Variants in RFTN1 observed in about 807,000 individuals in gnomAD.
RFTN1 encodes raftlin, lipid raft linker 1, also known as raftlin.
A neutral mutation model predicts 46.5 loss-of-function variants in RFTN1; 26 were observed. The ratio of observed to expected loss-of-function variants is 0.56; its 90% CI spans 0.41 to 0.78. The LOEUF (loss-of-function observed/expected upper bound fraction) is 0.78. Among genes scored for constraint, RFTN1 ranks in the 30% least tolerant of loss-of-function variants. RFTN1 has a pLI of 0.00. For missense variants in RFTN1, 693 were observed against 718.7 expected, an observed-to-expected ratio of 0.96 and a Z score of 0.41; for synonymous variants, 261 against 284.2, an observed-to-expected ratio of 0.92 and a Z score of 0.82.
In RFTN1 at chr3:16,509,392, C is replaced by T. The variant is rs1037076471; in HGVS notation, c.-9+4050G>A. The stretch of plus-strand genomic sequence containing the variant: ...CCTTAAGGTCTTAGAAAAATGAAAA[C>T]GTGAACTTAGGGAAAGTTAACCTTG... On this transcript the variant is annotated intron_variant, in intron 1 of 9. Coordinates refer to ENST00000334133, the MANE Select transcript of RFTN1 (RefSeq NM_015150.2). The surrounding 1 kb of genome is among the most constrained non-coding windows in gnomAD (Gnocchi z 4.9). Among the ~76,000 whole-genome samples, 4 of 152,028 alleles carry T rather than the reference C, an allele frequency of 2.6e-5. No individual in the cohort carries two copies. Among genetic ancestry groups the T allele is most frequent in the Non-Finnish European group, 5.9e-5 (4 of 68,008 alleles).
At position 16,440,285 on chromosome 3, in the gene RFTN1, A is replaced by G. The variant is rs1575295398; in HGVS notation, c.146-6248T>C. ...ACTGCCACAATCTTGGCTCACTGAA[A>G]CCTCCGCCTTCTGGACTCAAGTGAT... On this transcript the variant is annotated intron_variant, in intron 2 of 9. Transcript: ENST00000334133. The surrounding 1 kb of genome is among the most constrained non-coding windows in gnomAD (Gnocchi z 4.6). 6.6e-6 allele frequency among the ~76,000 whole-genome samples: 1 copy of G among 151,664 alleles called. No individual in the cohort carries two copies. The highest frequency in any genetic ancestry group is 2.4e-5 in the African/African-American group (1 of 41,240).
chr3:16,335,106 A>T lies in RFTN1; in HGVS notation c.1147-8230T>A, dbSNP rs897768962. On this transcript the variant is annotated intron_variant, in intron 7 of 9. Transcript: ENST00000334133. The surrounding 1 kb of genome is among the most constrained non-coding windows in gnomAD (Gnocchi z 4.7). ...TTCAGACTTCTGACTCAACAAATGT[A>T]AGACAATAAACTTGCGTTGTTTTAA... Among the ~76,000 whole-genome samples the T allele has an allele frequency of 6.6e-6, 1 of 152,266 alleles. No individual in the cohort carries two copies. The highest frequency in any genetic ancestry group is 2.4e-5 in the African/African-American group (1 of 41,476).
intron 5 of RFTN1, 51 bp downstream of exon 5, chr3:16,377,667 C>A: frequency 6.5e-7 from 1 of 1,526,722 alleles, no homozygotes. Context: ...TAATGAAAAG[C>A]TGTTAGCTGC....
At position 16,448,982 on chromosome 3, in the gene RFTN1, A is replaced by G. The variant is rs1035047923; in HGVS notation, c.146-14945T>C. Among the ~76,000 whole-genome samples the G allele has an allele frequency of 2.0e-5, 3 of 152,176 alleles. No individual in the cohort carries two copies. Among genetic ancestry groups the G allele is most frequent in the Non-Finnish European group, 4.4e-5 (3 of 68,032 alleles). ...CTGAATTTTCCAGATGATTTATGTT[A>G]TGCTCCAGAAAGGCAACATCTCCCT... On this transcript the variant is annotated intron_variant, in intron 2 of 9. Coordinates refer to ENST00000334133, the MANE Select transcript of RFTN1 (RefSeq NM_015150.2). This position sits in a 1 kb window ranked among gnomAD's most constrained non-coding sequence, Gnocchi z 4.1.
intron 2 of RFTN1, chr3:16,472,749 A>G (rs1177351151): frequency 6.6e-6 from 1 of 152,214 alleles, no homozygotes; most frequent in Non-Finnish European, 1.5e-5. Flanking sequence ...CCAACACATG[A>G]TGATCTTCAC....
At chr3:16,372,433 G>A (rs943569120) in intron 5 of RFTN1, among the ~76,000 whole-genome samples, 3 of 152,166 alleles carry the variant, frequency 2.0e-5, no homozygotes, top group Admixed American at 6.5e-5. Context: ...AGGAAGCGGT[G>A]GGCTCGGCCA....
chr3:16,505,636 A>AT (rs1448381694), intron 1 of RFTN1, among the ~76,000 whole-genome samples: 2 of 152,062 alleles, frequency 1.3e-5, no homozygotes, highest in East Asian at 1.9e-4. Context: ...GGATCTCAGT[A>AT]TTTTTTCTTA....
Position 16,337,980 on chromosome 3 carries a change from G to C in RFTN1, c.1147-11104C>G, listed in dbSNP as rs2125276866. On this transcript the variant is annotated intron_variant, in intron 7 of 9. Coordinates refer to ENST00000334133, the MANE Select transcript of RFTN1 (RefSeq NM_015150.2). The surrounding 1 kb of genome is among the most constrained non-coding windows in gnomAD (Gnocchi z 5.0). ...TGCCACCAGCTTGCCCTGGAAGAGA[G>C]AGATAAAAACCCACACTGGGTAGAT... Among the ~76,000 whole-genome samples the C allele has an allele frequency of 6.6e-6, 1 of 152,286 alleles. No homozygotes were observed. Among genetic ancestry groups the C allele is most frequent in the Non-Finnish European group, 1.5e-5 (1 of 68,012 alleles).
intron 7 of RFTN1, among the ~76,000 whole-genome samples, chr3:16,357,254 C>T (rs565519067): frequency 1.3e-4 from 20 of 152,236 alleles, no homozygotes; most frequent in South Asian, 4.1e-4. Flanking sequence ...TCCATGCTTC[C>T]GCAGTTAGAG....
At chr3:16,396,649 A>G (rs2074476152) in intron 4 of RFTN1, among the ~76,000 whole-genome samples, 1 of 152,194 alleles carries the variant, frequency 6.6e-6, no homozygotes, top group Non-Finnish European at 1.5e-5. Flanking sequence ...ACACAGTTAC[A>G]CCAAATGTTT....
intron 6 of RFTN1, among the ~76,000 whole-genome samples, chr3:16,368,166 G>T (rs1023903425): frequency 6.6e-6 from 1 of 152,038 alleles, no homozygotes; most frequent in South Asian, 2.1e-4. Flanking sequence ...GGCCTTCTCT[G>T]ACACTGATAT....
chr3:16,330,710 T>A (rs1309000416), intron 7 of RFTN1, among the ~76,000 whole-genome samples: 1 of 152,250 alleles, frequency 6.6e-6, no homozygotes, highest in Admixed American at 6.5e-5. Context: ...TTTATGGCTC[T>A]TTTTTCCTTT....
At chr3:16,412,132 T>G (rs1263806029) in intron 3 of RFTN1, among the ~76,000 whole-genome samples, 2 of 152,228 alleles carry the variant, frequency 1.3e-5, no homozygotes, top group Admixed American at 1.3e-4. Flanking sequence ...TACAAATTTT[T>G]TAGATGAACC....
At position 16,336,267 on chromosome 3, in the gene RFTN1, C is replaced by A. The variant is rs550707996; in HGVS notation, c.1147-9391G>T. ...TTCATGAATCTCACATTCAGTCAGC[C>A]TGGCTCTGTCTGTGCCACTTGGGAA... On this transcript the variant is annotated intron_variant, in intron 7 of 9. Coordinates refer to ENST00000334133, the MANE Select transcript of RFTN1 (RefSeq NM_015150.2). This position sits in a 1 kb window ranked among gnomAD's most constrained non-coding sequence, Gnocchi z 6.0. Among the ~76,000 whole-genome samples, 1 of 152,352 alleles carries A rather than the reference C, an allele frequency of 6.6e-6. No individual in the cohort carries two copies. The highest frequency in any genetic ancestry group is 1.9e-4 in the East Asian group (1 of 5,190).
At chr3:16,360,307 G>A (rs2072749726) in intron 6 of RFTN1, among the ~76,000 whole-genome samples, 1 of 152,038 alleles carries the variant, frequency 6.6e-6, no homozygotes, top group Non-Finnish European at 1.5e-5. Context: ...GAGTAGCTGG[G>A]ACCACAGGCA....
intron 4 of RFTN1, among the ~76,000 whole-genome samples, chr3:16,396,469 T>C (rs1391950942): frequency 6.6e-6 from 1 of 152,324 alleles, no homozygotes; most frequent in East Asian, 1.9e-4. Context: ...CCAATTGACC[T>C]AGTTTTTGCT....
rs2074209147 is a variant in RFTN1, at chr3:16,387,216, G to A, written c.442-9114C>T. 1.3e-5 allele frequency among the ~76,000 whole-genome samples: 2 copies of A among 152,134 alleles called. No individual in the cohort carries two copies. On this transcript the variant is annotated intron_variant, in intron 4 of 9. Coordinates refer to ENST00000334133, the MANE Select transcript of RFTN1 (RefSeq NM_015150.2). The surrounding 1 kb of genome is among the most constrained non-coding windows in gnomAD (Gnocchi z 5.2). ...ATGTCGCATCCATCCAGTCCACCCA[G>A]GGCCACAAGGAGGAGGGCTCAAGGT...
chr3:16,392,192 A>G (rs2074367597), intron 4 of RFTN1, among the ~76,000 whole-genome samples: 2 of 152,160 alleles, frequency 1.3e-5, no homozygotes, highest in South Asian at 4.1e-4. Context: ...AAAAGGGGAA[A>G]ACCTTATGTG....
In RFTN1 at chr3:16,380,161, A is replaced by G. The variant is rs907870298; in HGVS notation, c.442-2059T>C. 2.6e-5 allele frequency among the ~76,000 whole-genome samples: 4 copies of G among 152,252 alleles called. No homozygotes were observed. The highest frequency in any genetic ancestry group is 9.6e-5 in the African/African-American group (4 of 41,470). ...TTGGAAAGGCCTGATGTGGAGCCCC[A>G]GATACGTGACTCACCATCTTGAGGA... On this transcript the variant is annotated intron_variant, in intron 4 of 9. Transcript: ENST00000334133. This position sits in a 1 kb window ranked among gnomAD's most constrained non-coding sequence, Gnocchi z 4.8.
Sources: gnomAD v4.1 joint callset for allele counts (sites outside exome capture counted in the v4.1 genomes callset) on GRCh38, gnomAD v4.1.1 for gene constraint, Gnocchi (gnomAD v3.1) non-coding constraint, MANE v1.5 for transcripts, NCBI Gene and HGNC (gene_info 2026-07-23, HGNC 2026-07-21) for gene names.